Variants in USP21 observed in about 807,000 individuals in gnomAD.
The protein encoded by USP21 is ubiquitin carboxyl-terminal hydrolase 21.
Under a neutral mutation model 70.8 loss-of-function variants are expected in USP21, and 37 were observed. The observed-to-expected ratio is 0.52, with a 90% CI of 0.40 to 0.69. The LOEUF (loss-of-function observed/expected upper bound fraction) is 0.69. Among genes scored for constraint, USP21 ranks in the 30% least tolerant of loss-of-function variants. The pLI is 0.00. For synonymous variants in USP21, 263 were observed against 283.1 expected, an observed-to-expected ratio of 0.93 and a Z score of 0.71; for missense variants, 584 against 740.8, an observed-to-expected ratio of 0.79 and a Z score of 2.46.
In USP21 at chr1:161,162,984, G is replaced by A. The variant is rs763976152; in HGVS notation, c.959G>A (p.Arg320Gln). 14 of 1,613,810 alleles carry A rather than the reference G, an allele frequency of 8.7e-6. No homozygotes were observed. The highest frequency in any genetic ancestry group is 1.6e-4 in the Middle Eastern group (1 of 6,062). Reference sequence around the variant, plus strand: ...CGGCTACACCTTGAAATCAACCGCCGAGGCCGCCGGGCTCCACCGATACTT... The same window carrying A: ...CGGCTACACCTTGAAATCAACCGCCAAGGCCGCCGGGCTCCACCGATACTT... Reference protein sequence around the residue: ...MERLHLEINRRGRRAPPILAN... With the variant: ...MERLHLEINRQGRRAPPILAN... Residue 320 changes from arginine to glutamine, a missense_variant, in exon 7 of 14, where the codon CGA (arginine) becomes CAA (glutamine). Coordinates refer to ENST00000368002, the MANE Select transcript of USP21 (RefSeq NM_001014443.3). The surrounding 1 kb of genome is among the most constrained non-coding windows in gnomAD (Gnocchi z 4.1).
At position 161,162,117 on chromosome 1, in the gene USP21, C is replaced by A; in HGVS notation, c.660+20C>A. ...AACACGGTGAGAGCTATTCTCCTAT[C>A]TTTCCTCTCTAAAAGGAATGTGAAA... On this transcript the variant is annotated intron_variant, in intron 4 of 13. Coordinates refer to ENST00000368002, the MANE Select transcript of USP21 (RefSeq NM_001014443.3). The surrounding 1 kb of genome is among the most constrained non-coding windows in gnomAD (Gnocchi z 4.1). The A allele has an allele frequency of 6.2e-7, 1 of 1,613,968 alleles. No homozygotes were observed. The highest frequency in any genetic ancestry group is 1.1e-5 in the South Asian group (1 of 91,064).
chr1:161,163,833 A>C (rs752329917), intron 8 of USP21, 45 bp from the exon 9 acceptor site: 4 of 1,563,448 alleles, frequency 2.6e-6, no homozygotes, highest in Non-Finnish European at 3.5e-6. Flanking sequence ...TCATCTCATA[A>C]CATCCAACAA....
chr1:161,164,735 C>G lies in USP21; in HGVS notation c.1385-100C>G. 1 of 1,599,764 alleles carries G rather than the reference C, an allele frequency of 6.3e-7. No homozygotes were observed. Among genetic ancestry groups the G allele is most frequent in the Non-Finnish European group, 8.5e-7 (1 of 1,171,160 alleles). ...CTGCCACCCACTTTTCCACAAGATG[C>G]TCCCAGTGTGTCGGGAGTGGGGAGA... On this transcript the variant is annotated intron_variant, in intron 11 of 13. Coordinates refer to ENST00000368002, the MANE Select transcript of USP21 (RefSeq NM_001014443.3). The surrounding 1 kb of genome is among the most constrained non-coding windows in gnomAD (Gnocchi z 4.2).
intron 8 of USP21, 100 bp downstream of exon 8, chr1:161,163,719 T>A: frequency 7.1e-7 from 1 of 1,407,404 alleles, no homozygotes; most frequent in Non-Finnish European, 1.0e-6. Flanking sequence ...GGAACAAGAC[T>A]GGATGATGCA....
At position 161,161,500 on chromosome 1, in the gene USP21, C is replaced by A; in HGVS notation, c.600+260C>A. ...CTATTTAGAATTCTTCTTTGGGTCC[C>A]CAGGCCCTTCCTTTCCCTTGCTTGC... On this transcript the variant is annotated intron_variant, in intron 3 of 13. Coordinates refer to ENST00000368002, the MANE Select transcript of USP21 (RefSeq NM_001014443.3). The surrounding 1 kb of genome is among the most constrained non-coding windows in gnomAD (Gnocchi z 4.2). 1 of 478,956 alleles carries A rather than the reference C, an allele frequency of 2.1e-6. No individual in the cohort carries two copies. 29.7% of individuals were successfully genotyped at this position (478,956 alleles called of 1,614,324 possible).
At position 161,161,068 on chromosome 1, in the gene USP21, C is replaced by T. The variant is rs1266239809; in HGVS notation, c.428C>T (p.Ala143Val). 1.9e-6 allele frequency: 3 copies of T among 1,614,236 alleles called. No individual in the cohort carries two copies. Among genetic ancestry groups the T allele is most frequent in the East Asian group, 4.5e-5 (2 of 44,882 alleles). Residue 143 changes from alanine to valine, a missense_variant, in exon 3 of 14, where the codon GCC becomes GTC. This residue lies in a region of USP21 where 284 missense variants were observed against 281.0 expected (regional missense o/e 1.01). Coordinates refer to ENST00000368002, the MANE Select transcript of USP21 (RefSeq NM_001014443.3). The surrounding 1 kb of genome is among the most constrained non-coding windows in gnomAD (Gnocchi z 4.2). ...GELGAALSRL[A>V]LRPEPPTLRR... ...CTTGGGGCTGCACTGAGCCGCTTGG[C>T]CCTCCGGCCTGAGCCACCCACTTTG... is the stretch of plus-strand genomic sequence containing the variant.
Position 161,162,331 on chromosome 1 carries a change from T to A in USP21, c.722T>A (p.Leu241Gln). ...SSTRPLRDFC[L>Q]RRDFRQEVPG... The stretch of plus-strand genomic sequence containing the variant: ...ACTCGACCTCTTCGGGACTTCTGTC[T>A]GAGAAGGGACTTCCGGCAAGAGGTG... The change falls in exon 5 of 14, where the codon CTG becomes CAG. Residue 241 changes from leucine to glutamine, a missense_variant. Physicochemically the swap from Leu to Gln is moderately radical, Grantham distance 113. This residue lies in a region of USP21 where 87 missense variants were observed against 162.4 expected (regional missense o/e 0.54). Transcript: ENST00000368002. The surrounding 1 kb of genome is among the most constrained non-coding windows in gnomAD (Gnocchi z 4.1). The A allele has an allele frequency of 6.2e-7, 1 of 1,613,644 alleles. No individual in the cohort carries two copies. The highest frequency in any genetic ancestry group is 8.5e-7 in the Non-Finnish European group (1 of 1,179,822).
rs1284183128 is a variant in USP21, at chr1:161,162,838, T to C, written c.894-81T>C. 8 of 1,586,916 alleles carry C rather than the reference T, an allele frequency of 5.0e-6. No individual in the cohort carries two copies. The East Asian group carries it at 1.3e-4, about 27-fold the overall frequency. ...CTTGAGATGTTCTTCATCCAGGAAGTGGGGACCAATATCTGGGCAGGGAAT... is the reference window on the plus strand; with the variant it reads ...CTTGAGATGTTCTTCATCCAGGAAGCGGGGACCAATATCTGGGCAGGGAAT... On this transcript the variant is annotated intron_variant, in intron 6 of 13. Coordinates refer to ENST00000368002, the MANE Select transcript of USP21 (RefSeq NM_001014443.3). The surrounding 1 kb of genome is among the most constrained non-coding windows in gnomAD (Gnocchi z 4.1).
In USP21 at chr1:161,163,876, A is replaced by G; in HGVS notation, c.1115-2A>G. On this transcript the variant is annotated splice_acceptor_variant, in intron 8 of 13. Transcript: ENST00000368002. LOFTEE classifies it high-confidence loss of function. ...TTCTCCTGTCCCTGTGCTTCTGTCT[A>G]GACCTGTTTGTGGGCCAGTTGAAAA... 1 of 1,613,500 alleles carries G rather than the reference A, an allele frequency of 6.2e-7. No individual in the cohort carries two copies. The highest frequency in any genetic ancestry group is 8.5e-7 in the Non-Finnish European group (1 of 1,179,414).
At position 161,162,795 on chromosome 1, in the gene USP21, G is replaced by C; in HGVS notation, c.893+69G>C. 6.4e-7 allele frequency: 1 copy of C among 1,571,258 alleles called. No homozygotes were observed. Among genetic ancestry groups the C allele is most frequent in the Non-Finnish European group, 8.8e-7 (1 of 1,141,708 alleles). ...GGGGGTAGGGCCAAGCAAGGGCCCT[G>C]GCAGCATTGTTCTGAGCCTTGAGAT... On this transcript the variant is annotated intron_variant, in intron 6 of 13. Coordinates refer to ENST00000368002, the MANE Select transcript of USP21 (RefSeq NM_001014443.3). This position sits in a 1 kb window ranked among gnomAD's most constrained non-coding sequence, Gnocchi z 4.1.
Position 161,165,412 on chromosome 1 carries a change from T to C in USP21, c.1663T>C (p.Tyr555His). ...VASSEGYVLF[Y>H]QLMQEPPRCL ...ATCCAGCGAGGGCTACGTGCTGTTCTACCAACTGATGCAGGAGCCACCCCG... is the reference window on the plus strand; with the variant it reads ...ATCCAGCGAGGGCTACGTGCTGTTCCACCAACTGATGCAGGAGCCACCCCG... The change falls in exon 14 of 14, where the codon TAC becomes CAC. Residue 555 changes from tyrosine to histidine, a missense_variant. Tyr to His is a moderately conservative substitution (Grantham distance 83, BLOSUM62 2). Transcript: ENST00000368002. 1 of 1,614,142 alleles carries C rather than the reference T, an allele frequency of 6.2e-7. No individual in the cohort carries two copies. Among genetic ancestry groups the C allele is most frequent in the Non-Finnish European group, 8.5e-7 (1 of 1,180,012 alleles).
rs887013194 is a variant in USP21 at position 161,164,753 on chromosome 1, T to C, written c.1385-82T>C. ...CAAGATGCTCCCAGTGTGTCGGGAG[T>C]GGGGAGAGGACAGCTTTCAGGATAG... On this transcript the variant is annotated intron_variant, in intron 11 of 13. Coordinates refer to ENST00000368002, the MANE Select transcript of USP21 (RefSeq NM_001014443.3). This position sits in a 1 kb window ranked among gnomAD's most constrained non-coding sequence, Gnocchi z 4.2. 1.3e-6 allele frequency: 2 copies of C among 1,596,204 alleles called. No individual in the cohort carries two copies. Among genetic ancestry groups the C allele is most frequent in the Non-Finnish European group, 1.7e-6 (2 of 1,169,482 alleles).
Position 161,165,551 on chromosome 1 carries a change from G to A in USP21, c.*104G>A, listed in dbSNP as rs1009811926. 6.8e-6 allele frequency: 3 copies of A among 441,826 alleles called. No individual in the cohort carries two copies. Among genetic ancestry groups the A allele is most frequent in the Admixed American group, 3.7e-5 (1 of 27,338 alleles). The allele number at this position is 441,826 out of a possible 1,614,324, so 27.4% of individuals were successfully genotyped here. ...ATTTTTGTGTCTTTTTAATCGGGGA[G>A]GGGGGAGGGGGTGGTTGTAGCTCCA... is the stretch of plus-strand genomic sequence containing the variant. On this transcript the variant is annotated 3_prime_UTR_variant, in exon 14 of 14. Coordinates refer to ENST00000368002, the MANE Select transcript of USP21 (RefSeq NM_001014443.3).
intron 7 of USP21, 54 bp from the exon 8 acceptor site, chr1:161,163,501 C>A: frequency 6.4e-7 from 1 of 1,553,100 alleles, no homozygotes; most frequent in Non-Finnish European, 8.9e-7. Flanking sequence ...GTTGGGGGTG[C>A]CCAGTGTTCC....
chr1:161,163,472 G>C, intron 7 of USP21, 83 bp from the exon 8 acceptor site: 1 of 1,289,288 alleles, frequency 7.8e-7, no homozygotes, highest in Non-Finnish European at 1.1e-6. Context: ...GTAGGGCTCT[G>C]TAGGTTGTTT....
chr1:161,164,783 A>T lies in USP21; in HGVS notation c.1385-52A>T, dbSNP rs189992050. 8,741 of 1,598,044 alleles carry T rather than the reference A, an allele frequency of 5.5e-3. 36 individuals are homozygous for T. The highest frequency in any genetic ancestry group is 5.8e-3 in the Non-Finnish European group (6,781 of 1,170,256). On this transcript the variant is annotated intron_variant, in intron 11 of 13. Transcript: ENST00000368002. This position sits in a 1 kb window ranked among gnomAD's most constrained non-coding sequence, Gnocchi z 4.2. ...AGAGGACAGCTTTCAGGATAGAAGA[A>T]GTTCCCCTCAGAGGCCCACTGCCTC...
Position 161,162,889 on chromosome 1 carries a change from C to A in USP21, c.894-30C>A. On this transcript the variant is annotated intron_variant, in intron 6 of 13. Transcript: ENST00000368002. This position sits in a 1 kb window ranked among gnomAD's most constrained non-coding sequence, Gnocchi z 4.1. ...AGTGTCTGTGGACTAGGAGAGGAGT[C>A]AGTTGCCCATACTCTTTGTCTGGCT... 6.3e-7 allele frequency: 1 copy of A among 1,599,292 alleles called. No homozygotes were observed. Among genetic ancestry groups the A allele is most frequent in the South Asian group, 1.1e-5 (1 of 89,636 alleles).
intron 7 of USP21, 131 bp from the exon 8 acceptor site, chr1:161,163,424 C>T: frequency 1.2e-6 from 1 of 827,570 alleles, no homozygotes. Flanking sequence ...TTGACTTTTC[C>T]TTGAAATTTA....
chr1:161,159,829 G>A (rs750901944), intron 1 of USP21, among the ~76,000 whole-genome samples, 151 bp downstream of exon 1: 5 of 152,194 alleles, frequency 3.3e-5, no homozygotes, highest in Non-Finnish European at 7.4e-5. Flanking sequence ...CTGGACCGCG[G>A]GGAATACGCC....
Sources: allele counts gnomAD v4.1 joint callset (sites outside exome capture counted in the v4.1 genomes callset), GRCh38; gene constraint gnomAD v4.1.1; regional missense constraint gnomAD v4.1.1; non-coding constraint Gnocchi (gnomAD v3.1); transcripts MANE v1.5; gene names NCBI Gene and HGNC (gene_info 2026-07-23, HGNC 2026-07-21).